ARHGEF3: variants seen among roughly 807,000 people sequenced by gnomAD.
The protein encoded by ARHGEF3 is Rho guanine nucleotide exchange factor 3.
Under a neutral mutation model 63.2 loss-of-function variants are expected in ARHGEF3, and 28 were observed. That is an observed-to-expected ratio of 0.44 (90% CI 0.33 to 0.61). The LOEUF is 0.61. Ranked by LOEUF, ARHGEF3 falls within the 20% of genes least tolerant of loss-of-function variation. The probability of loss-of-function intolerance (pLI) is 0.03; values close to 1 mark genes in which losing one functional copy is unlikely to be tolerated. For missense variants in ARHGEF3, 533 were observed against 659.3 expected (o/e 0.81, Z 2.10); for synonymous variants, 266 against 254.2 (o/e 1.05, Z -0.44).
rs771824318 is a variant in ARHGEF3 at position 56,751,152 on chromosome 3, T to C, written c.536-20A>G. 2 of 1,612,102 alleles carry C rather than the reference T, an allele frequency of 1.2e-6. No homozygotes were observed. The highest frequency in any genetic ancestry group is 1.7e-6 in the Non-Finnish European group (2 of 1,178,278). On this transcript the variant is annotated intron_variant, in intron 5 of 9. Transcript: ENST00000296315. ...GGAGCTCTGGCAAAAAACAAACAGA[T>C]GCTTATTTGTTAGGCATTCAAATAT...
At chr3:56,990,758 C>T (rs1472021224) in intron 2 of ARHGEF3, among the ~76,000 whole-genome samples, 4 of 152,108 alleles carry the variant, frequency 2.6e-5, no homozygotes, top group South Asian at 2.1e-4. Flanking sequence ...AAAAAACAGG[C>T]GGAGACAGCC....
intron 2 of ARHGEF3, among the ~76,000 whole-genome samples, chr3:56,761,911 C>T (rs772608191): frequency 2.8e-4 from 43 of 152,116 alleles, no homozygotes; most frequent in Admixed American, 5.2e-4. Context: ...CATAGTGTAG[C>T]GGGGTACATG....
intron 3 of ARHGEF3, among the ~76,000 whole-genome samples, chr3:56,930,327 A>C (rs147891473): frequency 0.013 from 1,970 of 152,294 alleles, 25 homozygotes; most frequent in Middle Eastern, 0.027. Flanking sequence ...GTTTAAACAA[A>C]CACAACTAAC....
chr3:57,074,186 C>G, intron 1 of ARHGEF3: 1 of 1,614,150 alleles, frequency 6.2e-7, no homozygotes, highest in Non-Finnish European at 8.5e-7. Context: ...GCCGTTCAAA[C>G]CAACTGACAT....
At chr3:56,765,159 A>G (rs1191795022) in intron 2 of ARHGEF3, among the ~76,000 whole-genome samples, 1 of 152,156 alleles carries the variant, frequency 6.6e-6, no homozygotes, top group African/African-American at 2.4e-5. Context: ...TCCTCTTGAG[A>G]TGGACTACAG....
In ARHGEF3 at chr3:56,981,569, C is replaced by T. The variant is rs1579015024; in HGVS notation, c.63-22680G>A. On this transcript the variant is annotated intron_variant, in intron 2 of 12. Transcript: ENST00000338458. ...AAAAACTTCTACCCAGGATCCATAA[C>T]CCTGTATTATTTCAAACCTGGTAAT... Among the ~76,000 whole-genome samples the T allele has an allele frequency of 3.3e-5, 5 of 152,294 alleles. No individual in the cohort carries two copies. In the South Asian group the frequency reaches 1.0e-3, roughly 32 times the overall value.
At chr3:56,981,088 C>T (rs1701310381) in intron 2 of ARHGEF3, among the ~76,000 whole-genome samples, 1 of 152,198 alleles carries the variant, frequency 6.6e-6, no homozygotes, top group Non-Finnish European at 1.5e-5. Flanking sequence ...AGGAGCAATC[C>T]CTGTCTTCCC....
chr3:56,996,020 A>G (rs1008296305), intron 2 of ARHGEF3, among the ~76,000 whole-genome samples: 1 of 152,196 alleles, frequency 6.6e-6, no homozygotes, highest in Non-Finnish European at 1.5e-5. Flanking sequence ...GGAGCTTTCA[A>G]TTGAAAGAAG....
rs116265874 is a variant in ARHGEF3, at chr3:56,836,822, G to A, written c.192+45470C>T. The stretch of plus-strand genomic sequence containing the variant: ...CATGCCTGTAGTCTCAGCTACCTAG[G>A]AGGCTGAGGTGGGAGTATCACCTGA... On this transcript the variant is annotated intron_variant, in intron 4 of 12. Transcript: ENST00000338458. Among the ~76,000 whole-genome samples, 737 of 152,258 alleles carry A rather than the reference G, an allele frequency of 4.8e-3. 8 individuals are homozygous for A. The highest frequency in any genetic ancestry group is 0.016 in the African/African-American group (655 of 41,522).
intron 1 of ARHGEF3, among the ~76,000 whole-genome samples, chr3:57,046,709 A>G (rs1704469069): frequency 6.6e-6 from 1 of 152,162 alleles, no homozygotes; most frequent in African/African-American, 2.4e-5. Context: ...GGTCAGAGCC[A>G]AAGGAAAACA....
At chr3:56,783,421 T>C (rs2036653575) in intron 1 of ARHGEF3, among the ~76,000 whole-genome samples, 1 of 152,096 alleles carries the variant, frequency 6.6e-6, no homozygotes, top group South Asian at 2.1e-4. Context: ...TACTACAAAT[T>C]TGGAGAGGGT....
chr3:56,925,235 C>T (rs2042246249), intron 3 of ARHGEF3, among the ~76,000 whole-genome samples: 2 of 152,172 alleles, frequency 1.3e-5, no homozygotes, highest in Non-Finnish European at 2.9e-5. Flanking sequence ...CAAGCCATGG[C>T]GTCTACACCT....
intron 2 of ARHGEF3, among the ~76,000 whole-genome samples, chr3:56,983,060 A>C (rs1346682251): frequency 2.0e-5 from 3 of 152,218 alleles, no homozygotes; most frequent in African/African-American, 7.2e-5. Flanking sequence ...GCAATAAAAA[A>C]AATAATAATT....
chr3:56,963,416 A>G (rs1700361324), intron 2 of ARHGEF3, among the ~76,000 whole-genome samples: 1 of 152,204 alleles, frequency 6.6e-6, no homozygotes, highest in African/African-American at 2.4e-5. Context: ...AAAGGCTTCA[A>G]TGTGTTATGA....
chr3:57,012,836 C>T (rs1333605009), intron 2 of ARHGEF3, among the ~76,000 whole-genome samples: 2 of 152,186 alleles, frequency 1.3e-5, no homozygotes, highest in African/African-American at 4.8e-5. Context: ...CATCTCTGGG[C>T]TGGCCGAGGT....
At chr3:56,980,018 T>C (rs1192369717) in intron 2 of ARHGEF3, among the ~76,000 whole-genome samples, 1 of 152,198 alleles carries the variant, frequency 6.6e-6, no homozygotes, top group Non-Finnish European at 1.5e-5. Context: ...GCAGGTTACC[T>C]AACTCTTTGT....
At chr3:56,785,102 C>T (rs914046267) in intron 1 of ARHGEF3, among the ~76,000 whole-genome samples, 2 of 152,148 alleles carry the variant, frequency 1.3e-5, no homozygotes, top group South Asian at 2.1e-4. Flanking sequence ...TGCCTTGATC[C>T]TTCCAGGGAC....
chr3:56,729,264 CT>C lies in ARHGEF3; in HGVS notation c.*5del. The C allele has an allele frequency of 6.2e-7, 1 of 1,605,734 alleles. No homozygotes were observed. Among genetic ancestry groups the C allele is most frequent in the Non-Finnish European group, 8.5e-7 (1 of 1,175,136 alleles). On this transcript the variant is annotated 3_prime_UTR_variant, in exon 10 of 10. Coordinates refer to ENST00000296315, the MANE Select transcript of ARHGEF3 (RefSeq NM_019555.3). ...AGGCCTGCTTCCCGAAGTGCACATG[CT>C]TCTGTCAGACGTTACTTTCACCGTG...
At chr3:57,017,739 A>T (rs1440847852) in intron 2 of ARHGEF3, among the ~76,000 whole-genome samples, 1 of 152,138 alleles carries the variant, frequency 6.6e-6, no homozygotes, top group Non-Finnish European at 1.5e-5. Context: ...AAAGCCACAC[A>T]TTGTCCCCAG....
Sources: allele counts gnomAD v4.1 joint callset (sites outside exome capture counted in the v4.1 genomes callset), GRCh38; gene constraint gnomAD v4.1.1; transcripts MANE v1.5; gene names NCBI Gene and HGNC (gene_info 2026-07-23, HGNC 2026-07-21).